The following RUNDC3B variants were observed in gnomAD, a reference collection of about 807,000 sequenced individuals.
RUNDC3B encodes RUN domain containing 3B, also known as RUN domain-containing protein 3B.
Under a neutral mutation model 58.4 loss-of-function variants are expected in RUNDC3B, and 33 were observed. That is an observed-to-expected ratio of 0.56 (90% CI 0.43 to 0.75). The LOEUF (loss-of-function observed/expected upper bound fraction) is 0.75, where lower values mean the gene tolerates loss of function less well. RUNDC3B is among the 30% of genes least tolerant of loss of function. The probability of loss-of-function intolerance (pLI) is 0.00; values close to 1 mark genes in which losing one functional copy is unlikely to be tolerated. For missense variants in RUNDC3B, 501 were observed against 535.7 expected (o/e 0.94, Z 0.64); for synonymous variants, 193 against 195.2 (o/e 0.99, Z 0.10).
chr7:87,759,069 T>C (rs991677156), intron 6 of RUNDC3B, among the ~76,000 whole-genome samples: 2 of 152,192 alleles, frequency 1.3e-5, no homozygotes, highest in African/African-American at 2.4e-5. Context: ...ATAGCTAAGA[T>C]GTGGGATCAT....
intron 8 of RUNDC3B, among the ~76,000 whole-genome samples, chr7:87,787,530 T>C (rs1040783261): frequency 6.6e-6 from 1 of 152,226 alleles, no homozygotes; most frequent in African/African-American, 2.4e-5. Flanking sequence ...AAAACGCTTT[T>C]TGATTATGTC....
chr7:87,643,713 G>C (rs1226690445), intron 1 of RUNDC3B, among the ~76,000 whole-genome samples: 10 of 150,654 alleles, frequency 6.6e-5, no homozygotes, highest in Non-Finnish European at 1.5e-4. Flanking sequence ...TTTTAGTAGA[G>C]ACAGGGTTTC....
intron 8 of RUNDC3B, among the ~76,000 whole-genome samples, chr7:87,783,155 A>ATG (rs1426365621): frequency 2.0e-5 from 3 of 150,428 alleles, no homozygotes; most frequent in Non-Finnish European, 1.5e-5. Context: ...GTGTGTGTGT[A>ATG]TGTGTGTGTG....
At chr7:87,717,542 A>T (rs769723579) in intron 4 of RUNDC3B, among the ~76,000 whole-genome samples, 5 of 152,112 alleles carry the variant, frequency 3.3e-5, no homozygotes, top group Non-Finnish European at 7.4e-5. Flanking sequence ...CATATGATGC[A>T]TTTAAAAAAT....
chr7:87,753,305 A>G (rs943673910), intron 6 of RUNDC3B, among the ~76,000 whole-genome samples: 6 of 151,818 alleles, frequency 4.0e-5, no homozygotes, highest in African/African-American at 1.2e-4. Context: ...TATGTGGTCA[A>G]TTTTGGAATA....
At chr7:87,717,523 T>C (rs1830627762) in intron 4 of RUNDC3B, among the ~76,000 whole-genome samples, 1 of 152,066 alleles carries the variant, frequency 6.6e-6, no homozygotes, top group African/African-American at 2.4e-5. Flanking sequence ...GAAGTAACCA[T>C]TGACATGACA....
Position 87,680,563 on chromosome 7 carries a change from C to T in RUNDC3B, c.239-19858C>T, listed in dbSNP as rs370297606. ...ATCCCAGCACTTAGGGAGGCCAAGGCGAGTGGATCACCTTAGGTCAGGAGT... is the reference window on the plus strand; with the variant it reads ...ATCCCAGCACTTAGGGAGGCCAAGGTGAGTGGATCACCTTAGGTCAGGAGT... On this transcript the variant is annotated intron_variant, in intron 2 of 10. Transcript: ENST00000394654. Among the ~76,000 whole-genome samples the T allele has an allele frequency of 1.1e-3, 163 of 150,620 alleles. 8 individuals carry two copies. Among genetic ancestry groups the T allele is most frequent in the African/African-American group, 3.7e-3 (149 of 40,670 alleles).
At chr7:87,761,742 C>T (rs1258382678) in intron 6 of RUNDC3B, among the ~76,000 whole-genome samples, 4 of 151,784 alleles carry the variant, frequency 2.6e-5, no homozygotes, top group African/African-American at 9.7e-5. Context: ...TGATTCAGTT[C>T]CCCAAAAGTA....
chr7:87,811,866 G>A (rs979608946), intron 9 of RUNDC3B, among the ~76,000 whole-genome samples: 4 of 152,082 alleles, frequency 2.6e-5, no homozygotes, highest in African/African-American at 9.7e-5. Context: ...ATATTCTCCT[G>A]TAGCAAATGA....
At chr7:87,800,130 T>G (rs558667081) in intron 8 of RUNDC3B, among the ~76,000 whole-genome samples, 2 of 152,228 alleles carry the variant, frequency 1.3e-5, no homozygotes, top group East Asian at 3.9e-4. Context: ...AGATGTTACA[T>G]CCTTAGATTT....
rs751486016 is a variant in RUNDC3B, at chr7:87,777,929, T to C, written c.930T>C (p.Tyr310=). 3.7e-6 allele frequency: 6 copies of C among 1,613,268 alleles called. No homozygotes were observed. Among genetic ancestry groups the C allele is most frequent in the African/African-American group, 1.3e-5 (1 of 74,892 alleles). Residue 310 remains tyrosine (Y), a synonymous_variant, in exon 8 of 11, where the codon TAT becomes TAC. Coordinates refer to ENST00000394654, the MANE Select transcript of RUNDC3B (RefSeq NM_001134405.2). ...AHKLEKEQLE[Y]IIVELQDQLT... is the part of the protein sequence containing the mutation. ...AACTGGAGAAGGAACAATTAGAATA[T>C]ATAATTGTGGAGCTTCAAGATCAGC...
intron 6 of RUNDC3B, among the ~76,000 whole-genome samples, chr7:87,748,906 A>G (rs1320180368): frequency 1.3e-5 from 2 of 152,222 alleles, no homozygotes; most frequent in Non-Finnish European, 2.9e-5. Flanking sequence ...TACAATGTCT[A>G]GAAAAGAAAT....
chr7:87,768,306 C>T (rs1419988865), intron 6 of RUNDC3B, among the ~76,000 whole-genome samples: 1 of 152,160 alleles, frequency 6.6e-6, no homozygotes, highest in Admixed American at 6.5e-5. Context: ...CTCTCCCTCC[C>T]CTAGGAGTGG....
At chr7:87,688,318 A>T (rs1192667189) in intron 2 of RUNDC3B, among the ~76,000 whole-genome samples, 2 of 152,088 alleles carry the variant, frequency 1.3e-5, no homozygotes, top group Non-Finnish European at 2.9e-5. Flanking sequence ...AAGATTTGGG[A>T]GAAAATAATC....
rs1296605090 is a variant in RUNDC3B, at chr7:87,770,653, A to G, written c.702A>G (p.Pro234=). ...LGSSGSESST[P]ENVGPPFLMD... ...GCAGTGGTAGCGAAAGCAGTACTCCAGAGAATGTCGGACCTCCTTTCCTCA... is the reference window on the plus strand; with the variant it reads ...GCAGTGGTAGCGAAAGCAGTACTCCGGAGAATGTCGGACCTCCTTTCCTCA... The change falls in exon 7 of 11, where the codon CCA becomes CCG. Residue 234 remains proline (P), a synonymous_variant. Transcript: ENST00000394654. 3.1e-6 allele frequency: 5 copies of G among 1,613,524 alleles called. No homozygotes were observed. Among genetic ancestry groups the G allele is most frequent in the South Asian group, 2.2e-5 (2 of 91,038 alleles).
At chr7:87,646,726 T>C (rs1408275633) in intron 1 of RUNDC3B, among the ~76,000 whole-genome samples, 1 of 152,198 alleles carries the variant, frequency 6.6e-6, no homozygotes, top group Non-Finnish European at 1.5e-5. Flanking sequence ...TTATTTCTTA[T>C]TAAAAGTTTG....
chr7:87,743,001 C>A (rs1382685602), intron 6 of RUNDC3B, among the ~76,000 whole-genome samples: 1 of 151,978 alleles, frequency 6.6e-6, no homozygotes, highest in African/African-American at 2.4e-5. Context: ...GTAGTCCCCA[C>A]TACTCAGGAG....
intron 8 of RUNDC3B, among the ~76,000 whole-genome samples, chr7:87,792,357 A>G (rs1189913597): frequency 1.3e-5 from 2 of 152,150 alleles, no homozygotes; most frequent in Non-Finnish European, 2.9e-5. Flanking sequence ...ACTATAGACC[A>G]AATGGATCTC....
intron 8 of RUNDC3B, among the ~76,000 whole-genome samples, chr7:87,792,411 TG>T (rs752926428): frequency 5.3e-5 from 8 of 152,106 alleles, no homozygotes; most frequent in Non-Finnish European, 8.8e-5. Flanking sequence ...AGAGAATACA[TG>T]TTCTTTTCCT....
Sources: allele counts gnomAD v4.1 joint callset (sites outside exome capture counted in the v4.1 genomes callset), GRCh38; gene constraint gnomAD v4.1.1; transcripts MANE v1.5; gene names NCBI Gene and HGNC (gene_info 2026-07-23, HGNC 2026-07-21).